ATRN: variants seen among roughly 807,000 people sequenced by gnomAD.
ATRN encodes the protein attractin-2.
ATRN carries 54 observed loss-of-function variants against 178.7 expected under a neutral mutation model. That is an observed-to-expected ratio of 0.30 (90% CI 0.24 to 0.38). The LOEUF is 0.38. Ranked by LOEUF, ATRN falls within the 10% of genes least tolerant of loss-of-function variation. ATRN has a pLI of 1.00. For synonymous variants in ATRN, 636 were observed against 663.0 expected (o/e 0.96, Z 0.63); for missense variants, 1,443 against 1,815.1 (o/e 0.79, Z 3.73).
At chr20:3,620,219 AGTTTTGTTTT>A (rs58441132) in intron 24 of ATRN, among the ~76,000 whole-genome samples, 9,021 of 148,404 alleles carry the variant, frequency 0.061, 669 homozygotes, top group African/African-American at 0.17. Context: ...GCACAGGAGG[AGTTTTGTTTT>A]GTTTTGTTTT....
chr20:3,555,482 A>T (rs1248320017), intron 6 of ATRN, among the ~76,000 whole-genome samples: 3 of 152,164 alleles, frequency 2.0e-5, no homozygotes, highest in Non-Finnish European at 4.4e-5. Context: ...AAATTGACCA[A>T]GTGGCTGATT....
chr20:3,492,873 A>ACG (rs34527694), intron 1 of ATRN, among the ~76,000 whole-genome samples: 39 of 121,786 alleles, frequency 3.2e-4, no homozygotes, highest in African/African-American at 1.2e-3. Context: ...GCGCGTGCGC[A>ACG]CGCACACACA....
chr20:3,583,876 C>T lies in ATRN; in HGVS notation c.2765-22C>T, dbSNP rs201747653. The T allele has an allele frequency of 2.2e-4, 356 of 1,605,248 alleles. 1 individual carries two copies. The African/African-American group carries it at 4.3e-3, about 20-fold the overall frequency. ...CGGACATGGTGGGAGCTCTAAGTGT[C>T]TCTCTTGGGTTTCATTCCCAGCAAA... On this transcript the variant is annotated intron_variant, in intron 16 of 28. Coordinates refer to ENST00000262919, the MANE Select transcript of ATRN (RefSeq NM_139321.3).
chr20:3,491,874 T>C (rs2084798902), intron 1 of ATRN, among the ~76,000 whole-genome samples: 1 of 152,216 alleles, frequency 6.6e-6, no homozygotes, highest in African/African-American at 2.4e-5. Flanking sequence ...AAAAAATTTC[T>C]GGAAAGTGTA....
chr20:3,639,083 G>T, intron 27 of ATRN, 148 bp downstream of exon 27: 1 of 579,538 alleles, frequency 1.7e-6, no homozygotes, highest in Non-Finnish European at 3.0e-6. Flanking sequence ...ACCTGAAGTT[G>T]CTGGGTACTC....
chr20:3,543,497 G>A (rs561421373), intron 3 of ATRN, among the ~76,000 whole-genome samples: 4 of 152,140 alleles, frequency 2.6e-5, no homozygotes, highest in Admixed American at 6.5e-5. Context: ...CGAGGTGGGC[G>A]GATTGCCTGA....
At chr20:3,509,985 A>G (rs1475519681) in intron 1 of ATRN, among the ~76,000 whole-genome samples, 1 of 151,972 alleles carries the variant, frequency 6.6e-6, no homozygotes, top group African/African-American at 2.4e-5. Context: ...TGTATACATA[A>G]TTTTTCCCTC....
intron 12 of ATRN, among the ~76,000 whole-genome samples, chr20:3,575,286 A>G (rs1230865705): frequency 6.6e-6 from 1 of 152,168 alleles, no homozygotes; most frequent in Non-Finnish European, 1.5e-5. Flanking sequence ...TTCTAGAGTT[A>G]ACAGGAGATG....
Position 3,547,492 on chromosome 20 carries a change from A to G in ATRN, c.943+3A>G, listed in dbSNP as rs2085722988. 2 of 1,602,536 alleles carry G rather than the reference A, an allele frequency of 1.2e-6. No homozygotes were observed. Among genetic ancestry groups the G allele is most frequent in the Non-Finnish European group, 1.7e-6 (2 of 1,174,238 alleles). ...CTCCTGCTTCTCAGACTGGCAGGGT[A>G]GGAGCTTCTTTCATTTTTATTTTTT... is the stretch of plus-strand genomic sequence containing the variant. On this transcript the variant is annotated splice_donor_region_variant and intron_variant, in intron 5 of 28. Transcript: ENST00000262919.
chr20:3,596,360 T>C lies in ATRN; in HGVS notation c.3417-17T>C, dbSNP rs1410556783. ...TGTTTTAAATAGCAGTATAAAATAG[T>C]CTTTTTTCCCCCCCAGATGTGAGGT... On this transcript the variant is annotated splice_polypyrimidine_tract_variant and intron_variant, in intron 20 of 28. Transcript: ENST00000262919. 6.2e-7 allele frequency: 1 copy of C among 1,609,248 alleles called. No homozygotes were observed. The highest frequency in any genetic ancestry group is 8.5e-7 in the Non-Finnish European group (1 of 1,175,682).
intron 1 of ATRN, among the ~76,000 whole-genome samples, chr20:3,507,469 G>A (rs1046663394): frequency 5.3e-5 from 8 of 151,450 alleles, no homozygotes; most frequent in Admixed American, 3.3e-4. Context: ...TGCACATACC[G>A]AAAAGAGTTT....
chr20:3,582,240 C>G lies in ATRN; in HGVS notation c.2650C>G (p.Pro884Ala). ...PFTNSLLQWM[P>A]SEPSDAGFCG... ...TACAAATAGTTTACTACAGTGGATG[C>G]CGTCTGAGCCCAGTGATGCTGGATT... The change falls in exon 16 of 29, where the codon CCG (proline) becomes GCG (alanine). Residue 884 changes from proline (P) to alanine (A), a missense_variant. By Grantham distance (27) the Pro-to-Ala change is conservative. Around this residue, in one of 4 missense-constraint regions of ATRN, gnomAD observed 212 missense variants for 330.7 expected, o/e 0.64. Coordinates refer to ENST00000262919, the MANE Select transcript of ATRN (RefSeq NM_139321.3). The G allele has an allele frequency of 6.2e-7, 1 of 1,613,914 alleles. No homozygotes were observed. Among genetic ancestry groups the G allele is most frequent in the Non-Finnish European group, 8.5e-7 (1 of 1,180,018 alleles).
rs141713516 is a variant in ATRN, at chr20:3,547,349, C to G, written c.803C>G (p.Thr268Ser). ...GECKISNSSD[T>S]VECECSENWK... ...TGTAAGATCAGTAATAGCAGCGATA[C>G]TGTTGAATGTGAATGTTCTGAAAAC... Residue 268 changes from threonine (T) to serine (S), a missense_variant, in exon 5 of 29, where the codon ACT becomes AGT. Around this residue, in one of 4 missense-constraint regions of ATRN, gnomAD observed 862 missense variants for 972.1 expected, o/e 0.89. Coordinates refer to ENST00000262919, the MANE Select transcript of ATRN (RefSeq NM_139321.3). The G allele has an allele frequency of 4.7e-4, 764 of 1,614,042 alleles. 4 individuals carry two copies. In the African/African-American group the frequency reaches 8.7e-3, roughly 18 times the overall value.
chr20:3,609,100 T>C (rs2086723148), intron 24 of ATRN, among the ~76,000 whole-genome samples: 1 of 152,154 alleles, frequency 6.6e-6, no homozygotes, highest in African/African-American at 2.4e-5. Context: ...ATTGAATCTG[T>C]AGGTAGCTTT....
At chr20:3,520,784 A>G (rs767247044) in intron 1 of ATRN, among the ~76,000 whole-genome samples, 1 of 152,240 alleles carries the variant, frequency 6.6e-6, no homozygotes, top group Non-Finnish European at 1.5e-5. Context: ...GGCATGAGCC[A>G]GCGTACCTGG....
chr20:3,584,133 C>A (rs758226243), intron 17 of ATRN, 50 bp downstream of exon 17: 5 of 1,556,462 alleles, frequency 3.2e-6, no homozygotes, highest in South Asian at 1.1e-5. Context: ...TCTGTATAGG[C>A]AACAACTCAG....
At chr20:3,507,337 A>T (rs1186487497) in intron 1 of ATRN, among the ~76,000 whole-genome samples, 1 of 150,592 alleles carries the variant, frequency 6.6e-6, no homozygotes, top group Non-Finnish European at 1.5e-5. Context: ...TAAACCCGGG[A>T]GGCGGAGGAT....
chr20:3,490,396 T>A, intron 1 of ATRN: 1 of 969,208 alleles, frequency 1.0e-6, no homozygotes. Flanking sequence ...CCCAAAAAGT[T>A]CATTCTGATC....
chr20:3,502,118 A>G (rs2084972756), intron 1 of ATRN, among the ~76,000 whole-genome samples: 1 of 152,182 alleles, frequency 6.6e-6, no homozygotes, highest in African/African-American at 2.4e-5. Flanking sequence ...TATAATTACT[A>G]TGTATAATAT....
Sources: gnomAD v4.1 joint callset for allele counts (sites outside exome capture counted in the v4.1 genomes callset) on GRCh38, gnomAD v4.1.1 for gene constraint, gnomAD v4.1.1 regional missense constraint, MANE v1.5 for transcripts, NCBI Gene and HGNC (gene_info 2026-07-23, HGNC 2026-07-21) for gene names.